RIT2: variants seen among roughly 807,000 people sequenced by gnomAD.
The protein encoded by RIT2 is GTP-binding protein Rit2.
RIT2 carries 24 observed loss-of-function variants against 23.7 expected under a neutral mutation model. The observed-to-expected ratio is 1.01, with a 90% CI of 0.73 to 1.43. The LOEUF (loss-of-function observed/expected upper bound fraction) is 1.43, where lower values mean the gene tolerates loss of function less well. Among genes scored for constraint, RIT2 ranks in the 40% most tolerant of loss-of-function variants. The pLI is 0.00. For synonymous variants in RIT2, 107 were observed against 91.1 expected, an observed-to-expected ratio of 1.17 and a Z score of -0.99; for missense variants, 236 against 266.9, an observed-to-expected ratio of 0.88 and a Z score of 0.81.
At chr18:42,883,914 T>C (rs1907956586) in intron 4 of RIT2, among the ~76,000 whole-genome samples, 1 of 152,210 alleles carries the variant, frequency 6.6e-6, no homozygotes, top group Non-Finnish European at 1.5e-5. Context: ...GAACAATGTC[T>C]TTTTTGCCAT....
At chr18:42,994,251 C>T (rs1417204309) in intron 2 of RIT2, among the ~76,000 whole-genome samples, 6 of 152,266 alleles carry the variant, frequency 3.9e-5, no homozygotes, top group Middle Eastern at 3.4e-3. Context: ...CAAGGCTTCA[C>T]GGACAGCCCC....
chr18:42,964,064 A>C (rs980092243), intron 3 of RIT2, among the ~76,000 whole-genome samples: 1 of 151,786 alleles, frequency 6.6e-6, no homozygotes, highest in Non-Finnish European at 1.5e-5. Context: ...GGTGATGTGC[A>C]CCTGTAATTT....
chr18:42,775,554 G>A (rs570577888), intron 4 of RIT2, among the ~76,000 whole-genome samples: 271 of 152,058 alleles, frequency 1.8e-3, no homozygotes, highest in African/African-American at 5.9e-3. Context: ...AAAATTAGCC[G>A]GTCGTGGTGG....
At chr18:42,810,707 C>A in intron 4 of RIT2, among the ~76,000 whole-genome samples, 1 of 151,936 alleles carries the variant, frequency 6.6e-6, no homozygotes, top group South Asian at 2.1e-4. Context: ...ATTTTCTTGG[C>A]TTTCTTCAAG....
chr18:42,868,130 G>C (rs772323366), intron 4 of RIT2, among the ~76,000 whole-genome samples: 2 of 152,108 alleles, frequency 1.3e-5, no homozygotes, highest in Non-Finnish European at 2.9e-5. Flanking sequence ...TTTTCCACAC[G>C]TGCATATTTT....
chr18:42,938,224 G>A (rs1909509680), intron 3 of RIT2, among the ~76,000 whole-genome samples: 1 of 152,102 alleles, frequency 6.6e-6, no homozygotes, highest in Admixed American at 6.6e-5. Context: ...TGTGGCCAAG[G>A]GGATAAAATA....
At chr18:42,987,016 G>C (rs1910726191) in intron 2 of RIT2, among the ~76,000 whole-genome samples, 1 of 152,014 alleles carries the variant, frequency 6.6e-6, no homozygotes, top group Non-Finnish European at 1.5e-5. Context: ...TACTGCAGAT[G>C]GTGTGTAAAA....
chr18:42,852,393 AG>A (rs1907077813), intron 4 of RIT2, among the ~76,000 whole-genome samples: 1 of 152,228 alleles, frequency 6.6e-6, no homozygotes. Flanking sequence ...CTATTGACTT[AG>A]GATACATAAC....
intron 4 of RIT2, among the ~76,000 whole-genome samples, chr18:42,758,366 C>G (rs1205446856): frequency 6.6e-6 from 1 of 152,128 alleles, no homozygotes; most frequent in African/African-American, 2.4e-5. Flanking sequence ...TTCTTACTGT[C>G]AAATCCAATA....
intron 4 of RIT2, among the ~76,000 whole-genome samples, chr18:42,900,558 G>A (rs1267045020): frequency 6.6e-6 from 1 of 151,938 alleles, no homozygotes; most frequent in Non-Finnish European, 1.5e-5. Flanking sequence ...TCTTTTGATG[G>A]AATTGGCTAT....
chr18:43,005,250 T>G (rs1346557623), intron 2 of RIT2, among the ~76,000 whole-genome samples: 3 of 151,834 alleles, frequency 2.0e-5, no homozygotes, highest in Non-Finnish European at 4.4e-5. Flanking sequence ...AAGGAAATAT[T>G]GTAAACTAGA....
intron 4 of RIT2, among the ~76,000 whole-genome samples, chr18:42,786,029 GA>G (rs1913914672): frequency 6.6e-6 from 1 of 152,126 alleles, no homozygotes; most frequent in African/African-American, 2.4e-5. Flanking sequence ...TTTGGAACTA[GA>G]TGAGTAGAAC....
chr18:42,990,715 C>G (rs1003884319), intron 2 of RIT2, among the ~76,000 whole-genome samples: 1 of 152,164 alleles, frequency 6.6e-6, no homozygotes. Flanking sequence ...TTGTGTCTAG[C>G]ACTCTGCTCA....
intron 2 of RIT2, among the ~76,000 whole-genome samples, chr18:43,016,364 C>A (rs1413230375): frequency 6.6e-6 from 1 of 151,706 alleles, no homozygotes; most frequent in Non-Finnish European, 1.5e-5. Context: ...AAAACAGTTT[C>A]ATTTTTGTTT....
intron 4 of RIT2, among the ~76,000 whole-genome samples, chr18:42,850,271 G>T (rs1907018171): frequency 6.6e-6 from 1 of 152,062 alleles, no homozygotes; most frequent in South Asian, 2.1e-4. Flanking sequence ...TTAACAACTG[G>T]ACAGAAAATG....
Position 42,746,390 on chromosome 18 carries a change from G to C in RIT2, c.427-2670C>G, listed in dbSNP as rs190870032. Among the ~76,000 whole-genome samples, 386 of 152,158 alleles carry C rather than the reference G, an allele frequency of 2.5e-3. 1 individual carries two copies. The highest frequency in any genetic ancestry group is 0.014 in the Middle Eastern group (4 of 292). Reference sequence around the variant, plus strand: ...TTTACAAAAATCACCTGCAGTTGCAGTACCTTACATGTAAAGATATAGAAA... The same window carrying C: ...TTTACAAAAATCACCTGCAGTTGCACTACCTTACATGTAAAGATATAGAAA... On this transcript the variant is annotated intron_variant, in intron 4 of 4. Coordinates refer to ENST00000326695, the MANE Select transcript of RIT2 (RefSeq NM_002930.4).
intron 1 of RIT2, among the ~76,000 whole-genome samples, chr18:43,098,213 T>C (rs1207699495): frequency 1.3e-5 from 2 of 151,950 alleles, no homozygotes; most frequent in African/African-American, 2.4e-5. Context: ...GTGTTGGAAG[T>C]TGTATTAGAA....
chr18:42,788,381 T>C (rs1567996352), intron 4 of RIT2, among the ~76,000 whole-genome samples: 1 of 152,180 alleles, frequency 6.6e-6, no homozygotes, highest in Non-Finnish European at 1.5e-5. Flanking sequence ...ATGATAGTTT[T>C]CTGAAGTTCT....
At chr18:42,767,052 T>A (rs931704346) in intron 4 of RIT2, among the ~76,000 whole-genome samples, 4 of 152,224 alleles carry the variant, frequency 2.6e-5, no homozygotes, top group African/African-American at 9.6e-5. Flanking sequence ...GAACCTCTGC[T>A]AGGGTAGTGC....
Sources: gnomAD v4.1 joint callset for allele counts (sites outside exome capture counted in the v4.1 genomes callset) on GRCh38, gnomAD v4.1.1 for gene constraint, MANE v1.5 for transcripts, NCBI Gene and HGNC (gene_info 2026-07-23, HGNC 2026-07-21) for gene names.